STAB2: variants seen among roughly 807,000 people sequenced by gnomAD.
The protein encoded by STAB2 is stabilin-2.
In STAB2, 288 loss-of-function variants were observed where a neutral mutation model predicts 338.1. That is an observed-to-expected ratio of 0.85 (90% CI 0.77 to 0.94). STAB2 has a LOEUF of 0.94. Among genes scored for constraint, STAB2 ranks in the 40% least tolerant of loss-of-function variants. The pLI is 0.00. For missense variants in STAB2, 3,141 were observed against 3,210.1 expected, an observed-to-expected ratio of 0.98 and a Z score of 0.52; for synonymous variants, 1,202 against 1,193.3, an observed-to-expected ratio of 1.01 and a Z score of -0.15.
chr12:103,669,155 A>G, intron 20 of STAB2: 3 of 257,628 alleles, frequency 1.2e-5, no homozygotes, highest in Non-Finnish European at 2.2e-5. Context: ...TACCCACCTG[A>G]CTTCTGGCCC....
chr12:103,667,952 T>C (rs1156664742), intron 19 of STAB2, among the ~76,000 whole-genome samples: 3 of 152,232 alleles, frequency 2.0e-5, no homozygotes, highest in Non-Finnish European at 2.9e-5. Flanking sequence ...CTGTACGTGA[T>C]AAGACCCATT....
rs1204527565 is a variant in STAB2 at position 103,717,657 on chromosome 12, G to A, written c.4612-113G>A. 3 of 797,790 alleles carry A rather than the reference G, an allele frequency of 3.8e-6. No homozygotes were observed. In the East Asian group the frequency reaches 7.6e-5, roughly 20 times the overall value. 49.4% of individuals were successfully genotyped at this position (797,790 alleles called of 1,614,324 possible). A position where few individuals can be genotyped will look rare whatever the true frequency, so the allele number is the denominator to read the frequency against. On this transcript the variant is annotated intron_variant, in intron 43 of 68. Coordinates refer to ENST00000388887, the MANE Select transcript of STAB2 (RefSeq NM_017564.10). Reference sequence around the variant, plus strand: ...ATAGATATTACCAACGTCAAATAGAGACTCTCCTAACATTACCATGACCAT... The same window carrying A: ...ATAGATATTACCAACGTCAAATAGAAACTCTCCTAACATTACCATGACCAT...
intron 44 of STAB2, among the ~76,000 whole-genome samples, chr12:103,721,159 A>T (rs1398530697): frequency 2.6e-5 from 4 of 152,180 alleles, no homozygotes; most frequent in Admixed American, 1.3e-4. Flanking sequence ...GGGGGACACA[A>T]ACATTTAGAC....
At chr12:103,711,362 A>G (rs1428135568) in intron 39 of STAB2, 109 bp from the exon 40 acceptor site, 6 of 1,425,176 alleles carry the variant, frequency 4.2e-6, no homozygotes, top group South Asian at 1.2e-5. Context: ...TATCGCTCAC[A>G]TGATACATAT....
chr12:103,631,473 G>A, intron 5 of STAB2, 125 bp from the exon 6 acceptor site: 1 of 818,666 alleles, frequency 1.2e-6, no homozygotes, highest in Non-Finnish European at 1.9e-6. Flanking sequence ...TGATAAAAGA[G>A]AGAGGAGCCA....
At chr12:103,643,924 T>A (rs1339434006) in intron 9 of STAB2, among the ~76,000 whole-genome samples, 45 of 53,418 alleles carry the variant, frequency 8.4e-4, no homozygotes, top group African/African-American at 1.4e-3. Context: ...GGAGCCCCTC[T>A]GCCCGGCCAG....
chr12:103,634,800 T>C (rs1387436048), intron 6 of STAB2, among the ~76,000 whole-genome samples: 2 of 152,254 alleles, frequency 1.3e-5, no homozygotes, highest in Non-Finnish European at 2.9e-5. Context: ...TGTCATTCTC[T>C]AGTACCTCAG....
intron 44 of STAB2, among the ~76,000 whole-genome samples, chr12:103,719,505 G>C (rs370768721): frequency 6.6e-5 from 10 of 152,190 alleles, no homozygotes; most frequent in African/African-American, 1.2e-4. Flanking sequence ...CCCTCTGAAG[G>C]CTCTGTGGGA....
chr12:103,617,491 C>T (rs1345348994), intron 3 of STAB2, among the ~76,000 whole-genome samples: 1 of 152,224 alleles, frequency 6.6e-6, no homozygotes, highest in African/African-American at 2.4e-5. Flanking sequence ...TCCCCACATA[C>T]ACCTGAACTG....
At chr12:103,591,059 A>G (rs1324716108) in intron 2 of STAB2, 29 bp downstream of exon 2, 1 of 1,611,752 alleles carries the variant, frequency 6.2e-7, no homozygotes, top group Non-Finnish European at 8.5e-7. Context: ...ACGTGATGGA[A>G]CTATGAATCC....
Position 103,727,248 on chromosome 12 carries a change from C to T in STAB2, c.4852-19C>T. 1.2e-6 allele frequency: 2 copies of T among 1,613,958 alleles called. No homozygotes were observed. The highest frequency in any genetic ancestry group is 8.5e-7 in the Non-Finnish European group (1 of 1,179,812). On this transcript the variant is annotated intron_variant, in intron 46 of 68. Transcript: ENST00000388887. ...GATGTTAAGTGAGTGATGTGTGAGC[C>T]TCACCTTTCTTCCCACAGGAGCATT...
chr12:103,683,331 T>TTA, intron 26 of STAB2, 31 bp downstream of exon 26: 1 of 1,197,646 alleles, frequency 8.3e-7, no homozygotes, highest in South Asian at 1.5e-5. Flanking sequence ...TTTCATTACT[T>TTA]AAAAAAAAAA....
chr12:103,587,354 G>A lies in STAB2; in HGVS notation c.-123G>A. 1 of 819,642 alleles carries A rather than the reference G, an allele frequency of 1.2e-6. No individual in the cohort carries two copies. Among genetic ancestry groups the A allele is most frequent in the Non-Finnish European group, 1.9e-6 (1 of 516,968 alleles). 50.8% of individuals were successfully genotyped at this position (819,642 alleles called of 1,614,324 possible). ...CTGGTTCGATCTAGGAAAAAGGAAA[G>A]GAAGGGATTTAAAAGTAAACAGTGA... On this transcript the variant is annotated 5_prime_UTR_variant, in exon 1 of 69. Coordinates refer to ENST00000388887, the MANE Select transcript of STAB2 (RefSeq NM_017564.10).
chr12:103,739,306 T>A, intron 53 of STAB2, 106 bp from the exon 54 acceptor site: 1 of 1,051,470 alleles, frequency 9.5e-7, no homozygotes, highest in African/African-American at 1.6e-5. Context: ...ATAGCCAGAG[T>A]CTTAAGATTA....
intron 3 of STAB2, among the ~76,000 whole-genome samples, chr12:103,607,331 A>G (rs966448100): frequency 2.0e-5 from 3 of 150,736 alleles, no homozygotes; most frequent in African/African-American, 7.4e-5. Flanking sequence ...TGGTCTGCTC[A>G]TTATCTTTCA....
chr12:103,637,220 T>A lies in STAB2; in HGVS notation c.693T>A (p.Asp231Glu). 1 of 1,611,774 alleles carries A rather than the reference T, an allele frequency of 6.2e-7. No individual in the cohort carries two copies. The highest frequency in any genetic ancestry group is 8.5e-7 in the Non-Finnish European group (1 of 1,179,322). ...AATGCCTTCCCAATTACCGAGGCGA[T>A]GGCAAATACTGCGACCGTGAGTAGA... ...ECKCLPNYRGDGKYCDPINPC... is the reference protein window; with the variant it reads ...ECKCLPNYRGEGKYCDPINPC... Residue 231 changes from aspartate to glutamate, a missense_variant, in exon 7 of 69, where the codon GAT becomes GAA. Transcript: ENST00000388887.
chr12:103,696,971 G>A (rs977695107), intron 33 of STAB2, among the ~76,000 whole-genome samples: 1 of 152,200 alleles, frequency 6.6e-6, no homozygotes, highest in Non-Finnish European at 1.5e-5. Context: ...ATGGAAAAGT[G>A]AAATGACACG....
At chr12:103,742,285 C>T in intron 55 of STAB2, 120 bp from the exon 56 acceptor site, 4 of 1,320,094 alleles carry the variant, frequency 3.0e-6, no homozygotes, top group South Asian at 1.4e-5. Context: ...TATCCACTGA[C>T]ACTGAAGGCG....
At chr12:103,712,165 T>C (rs768217120) in intron 40 of STAB2, among the ~76,000 whole-genome samples, 62 of 152,178 alleles carry the variant, frequency 4.1e-4, no homozygotes, top group Non-Finnish European at 8.2e-4. Flanking sequence ...CACGCTGTAG[T>C]TTGCCTGATA....
Sources: gnomAD v4.1 joint callset for allele counts (sites outside exome capture counted in the v4.1 genomes callset) on GRCh38, gnomAD v4.1.1 for gene constraint, MANE v1.5 for transcripts, NCBI Gene and HGNC (gene_info 2026-07-23, HGNC 2026-07-21) for gene names.